Variants in CMTR1 observed in about 807,000 individuals in gnomAD.
CMTR1 encodes cap-specific mRNA (nucleoside-2'-O-)-methyltransferase 1.
In CMTR1, 39 loss-of-function variants were observed where a neutral mutation model predicts 107.0. That is an observed-to-expected ratio of 0.36 (90% CI 0.28 to 0.48). The LOEUF is 0.48. Among genes scored for constraint, CMTR1 ranks in the 20% least tolerant of loss-of-function variants. The pLI, the probability that CMTR1 is intolerant of heterozygous loss-of-function variation, is 0.99. For synonymous variants in CMTR1, 366 were observed against 379.5 expected (o/e 0.96, Z 0.41); for missense variants, 672 against 1,064.9 (o/e 0.63, Z 5.14).
In CMTR1 at chr6:37,472,632, C is replaced by A; in HGVS notation, c.1689+145C>A. The A allele has an allele frequency of 1.3e-6, 1 of 772,660 alleles. No individual in the cohort carries two copies. The highest frequency in any genetic ancestry group is 1.6e-5 in the South Asian group (1 of 63,054). The allele number at this position is 772,660 out of a possible 1,614,324, so 47.9% of individuals were successfully genotyped here. A position where few individuals can be genotyped will look rare whatever the true frequency, so the allele number is the denominator to read the frequency against. ...CTCTAAGGGGCGGAGCTAAGGCTGC[C>A]ACAGGTGGGAACCTTTGGTATAGGG... is the stretch of plus-strand genomic sequence containing the variant. On this transcript the variant is annotated intron_variant, in intron 16 of 23. Transcript: ENST00000373451. The surrounding 1 kb of genome is among the most constrained non-coding windows in gnomAD (Gnocchi z 4.1).
chr6:37,474,892 C>G (rs186309732), intron 18 of CMTR1, among the ~76,000 whole-genome samples: 3 of 152,220 alleles, frequency 2.0e-5, no homozygotes, highest in Non-Finnish European at 2.9e-5. Flanking sequence ...ATTGAGGGCC[C>G]TGGTGAGTCT....
intron 13 of CMTR1, among the ~76,000 whole-genome samples, chr6:37,468,773 CT>C (rs1224722739): frequency 5.9e-5 from 9 of 152,030 alleles, no homozygotes; most frequent in Non-Finnish European, 1.0e-4. Context: ...ATCCCAGCTA[CT>C]CGGGAGGCTG....
rs536762933 is a variant in CMTR1, at chr6:37,447,998, C to T, written c.444+1549C>T. 2.0e-5 allele frequency among the ~76,000 whole-genome samples: 3 copies of T among 152,136 alleles called. No homozygotes were observed. In the South Asian group the frequency reaches 6.2e-4, roughly 32 times the overall value. On this transcript the variant is annotated intron_variant, in intron 4 of 23. Transcript: ENST00000373451. ...GGCCAAGGCAGGTGGATCTCAAGGT[C>T]AGGAGATCAAGACCATCTTGGCTAA...
Position 37,461,520 on chromosome 6 carries a change from C to T in CMTR1, c.1096-29C>T, listed in dbSNP as rs151145291. The T allele has an allele frequency of 5.6e-4, 734 of 1,315,908 alleles. 1 individual carries two copies. The highest frequency in any genetic ancestry group is 4.9e-4 in the Non-Finnish European group (454 of 926,934). 81.5% of individuals were successfully genotyped at this position (1,315,908 alleles called of 1,614,324 possible). ...TCTTAGTCCTTCTCTTTTCTCTTTCCCACCCCATTCCTTGTGCTCTCATTT... is the reference window on the plus strand; with the variant it reads ...TCTTAGTCCTTCTCTTTTCTCTTTCTCACCCCATTCCTTGTGCTCTCATTT... On this transcript the variant is annotated intron_variant, in intron 10 of 23. Coordinates refer to ENST00000373451, the MANE Select transcript of CMTR1 (RefSeq NM_015050.3).
At position 37,474,514 on chromosome 6, in the gene CMTR1, C is replaced by G; in HGVS notation, c.1822-10C>G. On this transcript the variant is annotated splice_polypyrimidine_tract_variant and intron_variant, in intron 17 of 23. Coordinates refer to ENST00000373451, the MANE Select transcript of CMTR1 (RefSeq NM_015050.3). ...GCCTTCCTTACCTGGCTGTTTCTCTCTGCCTGTAGAAATCCCAGATCTACA... is the reference window on the plus strand; with the variant it reads ...GCCTTCCTTACCTGGCTGTTTCTCTGTGCCTGTAGAAATCCCAGATCTACA... 1 of 1,573,242 alleles carries G rather than the reference C, an allele frequency of 6.4e-7. No individual in the cohort carries two copies. The highest frequency in any genetic ancestry group is 1.1e-5 in the South Asian group (1 of 89,268).
intron 8 of CMTR1, among the ~76,000 whole-genome samples, chr6:37,456,600 G>A (rs1047469217): frequency 1.3e-5 from 2 of 152,140 alleles, no homozygotes; most frequent in African/African-American, 2.4e-5. Context: ...CTTTCTGATC[G>A]TTATCTAGCA....
intron 17 of CMTR1, 62 bp downstream of exon 17, chr6:37,473,663 G>T: frequency 6.4e-7 from 1 of 1,567,136 alleles, no homozygotes; most frequent in Non-Finnish European, 8.7e-7. Context: ...TGCGGAATCT[G>T]GACAGCTGCC....
chr6:37,466,904 CTCACA>C (rs1761523190), intron 13 of CMTR1, among the ~76,000 whole-genome samples: 1 of 152,090 alleles, frequency 6.6e-6, no homozygotes, highest in African/African-American at 2.4e-5. Context: ...GGCACGGTGG[CTCACA>C]CCTGTAATCC....
At position 37,472,513 on chromosome 6, in the gene CMTR1, TA is replaced by T. The variant is rs757809535; in HGVS notation, c.1689+31del. On this transcript the variant is annotated intron_variant, in intron 16 of 23. Transcript: ENST00000373451. This position sits in a 1 kb window ranked among gnomAD's most constrained non-coding sequence, Gnocchi z 4.1. ...GTAAGACTGGTATCTGTGGTGGACA[TA>T]AAAAGTTAGAGATCTGTCTCTAGAT... is the stretch of plus-strand genomic sequence containing the variant. 2 of 1,608,702 alleles carry T rather than the reference TA, an allele frequency of 1.2e-6. No homozygotes were observed. The highest frequency in any genetic ancestry group is 1.7e-6 in the Non-Finnish European group (2 of 1,175,280).
At chr6:37,462,763 T>A (rs919226540) in intron 12 of CMTR1, 66 bp from the exon 13 acceptor site, 1 of 1,491,178 alleles carries the variant, frequency 6.7e-7, no homozygotes, top group Non-Finnish European at 9.3e-7. Context: ...CACAAGGGGT[T>A]GGGGGAAAAG....
At chr6:37,452,870 G>A (rs1462633701) in intron 6 of CMTR1, among the ~76,000 whole-genome samples, 177 bp from the exon 7 acceptor site, 1 of 151,780 alleles carries the variant, frequency 6.6e-6, no homozygotes, top group Non-Finnish European at 1.5e-5. Flanking sequence ...CCAATTTACC[G>A]GCAAGGTAGT....
At chr6:37,434,562 G>T (rs2113860054) in intron 1 of CMTR1, among the ~76,000 whole-genome samples, 1 of 152,160 alleles carries the variant, frequency 6.6e-6, no homozygotes, top group Middle Eastern at 3.4e-3. Context: ...TTTTTCTCGT[G>T]CTTATCTCTC....
rs528909804 is a variant in CMTR1, at chr6:37,447,165, A to C, written c.444+716A>C. 3.9e-4 allele frequency among the ~76,000 whole-genome samples: 59 copies of C among 152,370 alleles called. 2 individuals are homozygous for C. The South Asian group carries it at 0.011, about 29-fold the overall frequency. ...GTTGAAACTAGAGAAAATGGAACTCAAACATCTAGCTTTCTGCATAGTTGC... is the reference window on the plus strand; with the variant it reads ...GTTGAAACTAGAGAAAATGGAACTCCAACATCTAGCTTTCTGCATAGTTGC... On this transcript the variant is annotated intron_variant, in intron 4 of 23. Transcript: ENST00000373451.
intron 4 of CMTR1, among the ~76,000 whole-genome samples, chr6:37,448,348 G>A (rs1253889547): frequency 6.6e-6 from 1 of 152,180 alleles, no homozygotes; most frequent in Non-Finnish European, 1.5e-5. Flanking sequence ...TGCAGCCTAG[G>A]AATGTGGAGG....
chr6:37,463,793 T>C lies in CMTR1; in HGVS notation c.1505+785T>C, dbSNP rs142521925. Among the ~76,000 whole-genome samples the C allele has an allele frequency of 7.0e-3, 1,072 of 152,284 alleles. 11 individuals are homozygous for C. Among genetic ancestry groups the C allele is most frequent in the African/African-American group, 0.024 (983 of 41,548 alleles). ...CTCCTATTTTTCCAGTATTGCCTGGTGTTTTAACTTTCCACAGTACTGCCA... is the reference window on the plus strand; with the variant it reads ...CTCCTATTTTTCCAGTATTGCCTGGCGTTTTAACTTTCCACAGTACTGCCA... On this transcript the variant is annotated intron_variant, in intron 13 of 23. Transcript: ENST00000373451.
At chr6:37,477,527 G>C in intron 20 of CMTR1, 65 bp from the exon 21 acceptor site, 4 of 1,470,130 alleles carry the variant, frequency 2.7e-6, no homozygotes, top group Non-Finnish European at 3.8e-6. Flanking sequence ...CTGCCTCCCA[G>C]CTGCCTCCTG....
At chr6:37,440,492 C>T (rs190081402) in intron 2 of CMTR1, among the ~76,000 whole-genome samples, 1 of 152,162 alleles carries the variant, frequency 6.6e-6, no homozygotes, top group African/African-American at 2.4e-5. Context: ...TCCTATACCA[C>T]GTGAATAAAA....
chr6:37,468,366 G>A (rs375785542), intron 13 of CMTR1, among the ~76,000 whole-genome samples: 6 of 152,012 alleles, frequency 3.9e-5, no homozygotes, highest in East Asian at 1.9e-4. Context: ...ACTTTAAACC[G>A]TTTATAGTCT....
chr6:37,464,289 C>T (rs1180165299), intron 13 of CMTR1, among the ~76,000 whole-genome samples: 1 of 151,906 alleles, frequency 6.6e-6, no homozygotes, highest in Admixed American at 6.6e-5. Flanking sequence ...CACGGTGAAA[C>T]CCCATCTCTA....
Sources: allele counts gnomAD v4.1 joint callset (sites outside exome capture counted in the v4.1 genomes callset), GRCh38; gene constraint gnomAD v4.1.1; non-coding constraint Gnocchi (gnomAD v3.1); transcripts MANE v1.5; gene names NCBI Gene and HGNC (gene_info 2026-07-23, HGNC 2026-07-21).